Variants in WWP2 observed in about 807,000 individuals in gnomAD.
WWP2 encodes NEDD4-like E3 ubiquitin-protein ligase WWP2.
Under a neutral mutation model 121.0 loss-of-function variants are expected in WWP2, and 57 were observed. The observed-to-expected ratio is 0.47, with a 90% confidence interval of 0.38 to 0.59. The LOEUF is 0.59. Among genes scored for constraint, WWP2 ranks in the 20% least tolerant of loss-of-function variants. The pLI, the probability that WWP2 is intolerant of heterozygous loss-of-function variation, is 0.00. For missense variants in WWP2, 962 were observed against 1,158.9 expected (o/e 0.83, Z 2.47); for synonymous variants, 449 against 441.3 (o/e 1.02, Z -0.22).
intron 7 of WWP2, among the ~76,000 whole-genome samples, chr16:69,878,962 G>T (rs2057779996): frequency 6.6e-6 from 1 of 152,090 alleles, no homozygotes; most frequent in African/African-American, 2.4e-5. Flanking sequence ...GGTATATGAG[G>T]TTTATTTTTT....
intron 1 of WWP2, among the ~76,000 whole-genome samples, chr16:69,768,215 C>A (rs1292147009): frequency 1.3e-5 from 2 of 152,096 alleles, no homozygotes; most frequent in Non-Finnish European, 2.9e-5. Flanking sequence ...TAGATTCTAA[C>A]CAAAATCTTT....
Position 69,925,163 on chromosome 16 carries a change from A to G in WWP2, c.1180-267A>G, listed in dbSNP as rs2151982051. ...CACCCTGGCACACCTTCACCCGCGT[A>G]CCGCCTCCTCCCCGTCGCTCTGCCT... is the stretch of plus-strand genomic sequence containing the variant. On this transcript the variant is annotated intron_variant, in intron 10 of 23. Transcript: ENST00000359154. This position sits in a 1 kb window ranked among gnomAD's most constrained non-coding sequence, Gnocchi z 4.0. The G allele has an allele frequency of 8.0e-6, 10 of 1,248,352 alleles. No individual in the cohort carries two copies. The South Asian group carries it at 1.7e-4, about 21-fold the overall frequency. The allele number at this position is 1,248,352 out of a possible 1,614,324, so 77.3% of individuals were successfully genotyped here.
chr16:69,897,179 T>C (rs1345147785), intron 8 of WWP2, among the ~76,000 whole-genome samples: 1 of 151,796 alleles, frequency 6.6e-6, no homozygotes, highest in Non-Finnish European at 1.5e-5. Context: ...CTCAGCTCAC[T>C]GCAGCCTTGA....
chr16:69,884,873 A>G (rs940967626), intron 7 of WWP2, among the ~76,000 whole-genome samples: 4 of 152,204 alleles, frequency 2.6e-5, no homozygotes, highest in Admixed American at 2.0e-4. Flanking sequence ...TTACAGAAGT[A>G]TTGTAGCTAA....
At chr16:69,891,852 G>T (rs1050964872) in intron 8 of WWP2, among the ~76,000 whole-genome samples, 2 of 152,170 alleles carry the variant, frequency 1.3e-5, no homozygotes, top group Admixed American at 6.5e-5. Flanking sequence ...GCCACCATTT[G>T]CCCAGGTGAC....
chr16:69,850,257 T>G (rs552253621), intron 6 of WWP2, among the ~76,000 whole-genome samples: 283 of 151,734 alleles, frequency 1.9e-3, no homozygotes, highest in Non-Finnish European at 2.9e-3. Flanking sequence ...CGTGGTGGTG[T>G]GCGCCTGTAG....
chr16:69,828,355 C>G (rs2056739678), intron 4 of WWP2, among the ~76,000 whole-genome samples: 1 of 152,074 alleles, frequency 6.6e-6, no homozygotes, highest in African/African-American at 2.4e-5. Flanking sequence ...AGGTCATCAT[C>G]TATTATTAAT....
At chr16:69,889,057 C>G (rs1192973859) in intron 8 of WWP2, among the ~76,000 whole-genome samples, 1 of 152,130 alleles carries the variant, frequency 6.6e-6, no homozygotes, top group Non-Finnish European at 1.5e-5. Flanking sequence ...ACGTGCCAAT[C>G]AATTCCATTG....
At chr16:69,919,872 A>G (rs1435026893) in intron 10 of WWP2, among the ~76,000 whole-genome samples, 1 of 147,852 alleles carries the variant, frequency 6.8e-6, no homozygotes, top group Non-Finnish European at 1.5e-5. Flanking sequence ...GGCTTATTGC[A>G]GCCTTGACCT....
intron 2 of WWP2, 93 bp downstream of exon 2, chr16:69,787,173 A>T (rs1374571689): frequency 3.0e-6 from 3 of 984,330 alleles, no homozygotes; most frequent in Admixed American, 2.7e-5. Flanking sequence ...AAATTTTGTG[A>T]AATAGTTTAC....
chr16:69,915,956 T>C (rs1300557720), intron 9 of WWP2, among the ~76,000 whole-genome samples: 1 of 151,766 alleles, frequency 6.6e-6, no homozygotes, highest in Non-Finnish European at 1.5e-5. Flanking sequence ...GGAGGATCAC[T>C]TGAGCCTGGG....
intron 8 of WWP2, among the ~76,000 whole-genome samples, chr16:69,894,242 A>G (rs1028464116): frequency 7.6e-6 from 1 of 132,080 alleles, no homozygotes; most frequent in Non-Finnish European, 1.6e-5. Context: ...TACCCAGGCT[A>G]TTTTTTTTTT....
intron 1 of WWP2, among the ~76,000 whole-genome samples, chr16:69,771,952 C>CTTTTTTTTTTT (rs56376857): frequency 1.8e-5 from 1 of 55,808 alleles, no homozygotes; most frequent in African/African-American, 6.7e-5. Flanking sequence ...TCTTTTTAGT[C>CTTTTTTTTTTT]TTTTTTTTTT....
chr16:69,939,846 A>G lies in WWP2; in HGVS notation c.2519A>G (p.Asn840Ser), dbSNP rs763930833. The G allele has an allele frequency of 3.7e-6, 6 of 1,613,472 alleles. No individual in the cohort carries two copies. The highest frequency in any genetic ancestry group is 1.3e-5 in the African/African-American group (1 of 74,898). The change falls in exon 24 of 24, where the codon AAC (asparagine) becomes AGC (serine). Residue 840 changes from asparagine to serine, a missense_variant. Physicochemically the swap from Asn to Ser is conservative, Grantham distance 46. Coordinates refer to ENST00000359154, the MANE Select transcript of WWP2 (RefSeq NM_001270454.2). ...TGCTTCCCCACTCTCAATAGCTTCA[A>G]CCGTCTGGATCTTCCACCCTACAAG... ...TWLPRSHTCF[N>S]RLDLPPYKSY...
At chr16:69,823,946 G>A (rs774026712) in intron 4 of WWP2, among the ~76,000 whole-genome samples, 2 of 152,236 alleles carry the variant, frequency 1.3e-5, no homozygotes, top group South Asian at 2.1e-4. Flanking sequence ...CTCATCAGCC[G>A]TGTAGCATTC....
At chr16:69,923,321 G>A (rs1234595230) in intron 10 of WWP2, among the ~76,000 whole-genome samples, 4 of 49,016 alleles carry the variant, frequency 8.2e-5, no homozygotes, top group African/African-American at 1.5e-4. Context: ...TTGGGGGGGT[G>A]GGGGGGGTGC....
In WWP2 at chr16:69,931,255, G is replaced by A. The variant is rs572221495; in HGVS notation, c.1521+28G>A. 473 of 1,613,280 alleles carry A rather than the reference G, an allele frequency of 2.9e-4. 3 individuals carry two copies. The South Asian group carries it at 3.8e-3, about 13-fold the overall frequency. On this transcript the variant is annotated intron_variant, in intron 14 of 23. Coordinates refer to ENST00000359154, the MANE Select transcript of WWP2 (RefSeq NM_001270454.2). ...GAGTTCTGGTACTGGGGCTCCCGTGGCAGTTGGGGTTATTGAGTTATTTCA... is the reference window on the plus strand; with the variant it reads ...GAGTTCTGGTACTGGGGCTCCCGTGACAGTTGGGGTTATTGAGTTATTTCA...
At chr16:69,886,450 A>G (rs1205094533) in intron 7 of WWP2, among the ~76,000 whole-genome samples, 2 of 151,510 alleles carry the variant, frequency 1.3e-5, no homozygotes, top group Non-Finnish European at 2.9e-5. Flanking sequence ...CCTCACATGA[A>G]GAAAAAAAAA....
At chr16:69,919,536 A>G (rs2058527149) in intron 10 of WWP2, among the ~76,000 whole-genome samples, 1 of 152,172 alleles carries the variant, frequency 6.6e-6, no homozygotes, top group Non-Finnish European at 1.5e-5. Context: ...ACAGTCTCCT[A>G]TACCGTGTCC....
Sources: gnomAD v4.1 joint callset for allele counts (sites outside exome capture counted in the v4.1 genomes callset) on GRCh38, gnomAD v4.1.1 for gene constraint, Gnocchi (gnomAD v3.1) non-coding constraint, MANE v1.5 for transcripts, NCBI Gene and HGNC (gene_info 2026-07-23, HGNC 2026-07-21) for gene names.